SLC15A4: variants seen among roughly 807,000 people sequenced by gnomAD.
The protein encoded by SLC15A4 is solute carrier family 15 member 4.
SLC15A4 carries 26 observed loss-of-function variants against 46.1 expected under a neutral mutation model. The observed-to-expected ratio is 0.56, with a 90% CI of 0.41 to 0.78. The LOEUF is 0.78. Among genes scored for constraint, SLC15A4 ranks in the 30% least tolerant of loss-of-function variants. SLC15A4 has a pLI of 0.00. For missense variants in SLC15A4, 751 were observed against 755.7 expected, an observed-to-expected ratio of 0.99 and a Z score of 0.07; for synonymous variants, 370 against 333.4, an observed-to-expected ratio of 1.11 and a Z score of -1.20.
At chr12:128,811,249 G>A (rs1955652871) in intron 2 of SLC15A4, among the ~76,000 whole-genome samples, 1 of 152,210 alleles carries the variant, frequency 6.6e-6, no homozygotes, top group South Asian at 2.1e-4. Context: ...GTGTTTAACT[G>A]TGGGAAGCCA....
In SLC15A4 at chr12:128,805,705, T is replaced by C. The variant is rs568065979; in HGVS notation, c.1258+3083A>G. ...CGCCACCACGCATGGCTAATTTTAG[T>C]ATTTTTGGTAGAGATGGGGTTTCAC... On this transcript the variant is annotated intron_variant, in intron 5 of 7. Coordinates refer to ENST00000266771, the MANE Select transcript of SLC15A4 (RefSeq NM_145648.4). Among the ~76,000 whole-genome samples, 55 of 152,226 alleles carry C rather than the reference T, an allele frequency of 3.6e-4. No individual in the cohort carries two copies. In the South Asian group the frequency reaches 3.9e-3, roughly 11 times the overall value.
At chr12:128,820,104 C>A (rs1433797874) in intron 1 of SLC15A4, among the ~76,000 whole-genome samples, 3 of 152,154 alleles carry the variant, frequency 2.0e-5, no homozygotes, top group Admixed American at 2.0e-4. Context: ...TGTGGGGTGG[C>A]CAAGTCTTTA....
intron 1 of SLC15A4, among the ~76,000 whole-genome samples, chr12:128,821,538 T>C (rs1041255825): frequency 4.6e-5 from 7 of 152,194 alleles, no homozygotes; most frequent in Non-Finnish European, 7.4e-5. Flanking sequence ...AGATTGAAAT[T>C]TGATTTTCAT....
intron 2 of SLC15A4, 170 bp from the exon 3 acceptor site, chr12:128,810,281 T>C (rs1172267603): frequency 3.3e-6 from 2 of 611,906 alleles, no homozygotes; most frequent in African/African-American, 3.7e-5. Flanking sequence ...AAATTATTTC[T>C]AAATGTCACA....
chr12:128,804,136 A>G (rs1025822408), intron 5 of SLC15A4, among the ~76,000 whole-genome samples: 2 of 152,234 alleles, frequency 1.3e-5, no homozygotes, highest in Non-Finnish European at 2.9e-5. Flanking sequence ...ATATTTGGCC[A>G]TAACGGAAGC....
At chr12:128,800,692 G>A (rs1349941914) in intron 6 of SLC15A4, 162 bp downstream of exon 6, 1 of 633,062 alleles carries the variant, frequency 1.6e-6, no homozygotes, top group African/African-American at 1.9e-5. Context: ...CCTCAGCACT[G>A]GTGTGTTTAC....
intron 5 of SLC15A4, among the ~76,000 whole-genome samples, chr12:128,803,191 A>G (rs1049387394): frequency 7.2e-5 from 11 of 152,226 alleles, no homozygotes; most frequent in Admixed American, 3.3e-4. Flanking sequence ...AACAAAACTG[A>G]GTATTACGGT....
chr12:128,804,609 A>C (rs1219195571), intron 5 of SLC15A4, among the ~76,000 whole-genome samples: 2 of 152,230 alleles, frequency 1.3e-5, no homozygotes, highest in African/African-American at 4.8e-5. Flanking sequence ...AGGCGCCTGT[A>C]ATCCCAGCTA....
intron 7 of SLC15A4, among the ~76,000 whole-genome samples, chr12:128,796,429 C>CAAAAAAAAAAAAA (rs57014966): frequency 6.2e-4 from 21 of 33,910 alleles, no homozygotes; most frequent in Non-Finnish European, 9.5e-4. Context: ...AACTCCATCT[C>CAAAAAAAAAAAAA]AAAAAAAAAA....
At chr12:128,811,215 A>G (rs1955652482) in intron 2 of SLC15A4, among the ~76,000 whole-genome samples, 1 of 152,260 alleles carries the variant, frequency 6.6e-6, no homozygotes, top group Non-Finnish European at 1.5e-5. Context: ...AAGTACCAGG[A>G]GAGAGTTAAT....
In SLC15A4 at chr12:128,796,451, AAAAAAAAC is replaced by A. The variant is rs1158543908; in HGVS notation, c.1574-2103_1574-2096del. Among the ~76,000 whole-genome samples, 25 of 39,320 alleles carry A rather than the reference AAAAAAAAC, an allele frequency of 6.4e-4. 2 individuals are homozygous for A. The highest frequency in any genetic ancestry group is 1.4e-3 in the Admixed American group (7 of 4,846). 25.8% of individuals were successfully genotyped at this position (39,320 alleles called of 152,430 possible). On this transcript the variant is annotated intron_variant, in intron 7 of 7. Transcript: ENST00000266771. ...TCTCAAAAAAAAAAAAAAAAAAAAA[AAAAAAAAC>A]CCACACATCTGTATGGTGAGATCTC... is the stretch of plus-strand genomic sequence containing the variant.
At chr12:128,796,573 G>A (rs767322005) in intron 7 of SLC15A4, among the ~76,000 whole-genome samples, 1 of 151,554 alleles carries the variant, frequency 6.6e-6, no homozygotes, top group Non-Finnish European at 1.5e-5. Flanking sequence ...CTAATACCCT[G>A]AATTCTACCA....
At chr12:128,795,904 C>A (rs1195611819) in intron 7 of SLC15A4, among the ~76,000 whole-genome samples, 1 of 152,192 alleles carries the variant, frequency 6.6e-6, no homozygotes, top group Non-Finnish European at 1.5e-5. Flanking sequence ...TGCACGAGGT[C>A]GCAGGTGCGT....
At position 128,794,350 on chromosome 12, in the gene SLC15A4, A is replaced by C. The variant is rs747544836; in HGVS notation, c.1580T>G (p.Ile527Ser). 2 of 1,609,992 alleles carry C rather than the reference A, an allele frequency of 1.2e-6. No individual in the cohort carries two copies. The highest frequency in any genetic ancestry group is 8.5e-7 in the Non-Finnish European group (1 of 1,178,530). ...GTAATAGTTCAAATAGCAGCCGTTAATATTACCTGGAGAAAACAAAAGGAA... is the reference window on the plus strand; with the variant it reads ...GTAATAGTTCAAATAGCAGCCGTTACTATTACCTGGAGAAAACAAAAGGAA... Reference protein sequence around the residue: ...WMSSHTDFGNINGCYLNYYFF... With the variant: ...WMSSHTDFGNSNGCYLNYYFF... The change falls in exon 8 of 8, where the codon ATT becomes AGT. Residue 527 changes from isoleucine to serine, a missense_variant. Coordinates refer to ENST00000266771, the MANE Select transcript of SLC15A4 (RefSeq NM_145648.4).
At chr12:128,815,158 G>T in intron 1 of SLC15A4, 88 bp from the exon 2 acceptor site, 1 of 1,263,292 alleles carries the variant, frequency 7.9e-7, no homozygotes, top group Non-Finnish European at 1.1e-6. Flanking sequence ...TAAAATTACC[G>T]TTGTCATCAC....
intron 5 of SLC15A4, among the ~76,000 whole-genome samples, chr12:128,804,451 G>A (rs546175920): frequency 1.3e-5 from 2 of 152,326 alleles, no homozygotes; most frequent in East Asian, 1.9e-4. Flanking sequence ...GTGAATGAAA[G>A]CCAGGCCCAG....
chr12:128,820,270 G>C (rs751274274), intron 1 of SLC15A4, among the ~76,000 whole-genome samples: 18 of 152,208 alleles, frequency 1.2e-4, no homozygotes, highest in Non-Finnish European at 2.2e-4. Context: ...AAAAGAACCA[G>C]AGCTGGGATA....
rs910004626 is a variant in SLC15A4 at position 128,793,387 on chromosome 12, A to C, written c.*809T>G. ...TTTAATTACACTATTTCTGTTCAAA[A>C]GAATGTTTTCCTTACATACAACCAT... On this transcript the variant is annotated 3_prime_UTR_variant, in exon 8 of 8. Transcript: ENST00000266771. The C allele has an allele frequency of 1.3e-5, 2 of 152,206 alleles. No individual in the cohort carries two copies. The highest frequency in any genetic ancestry group is 4.8e-5 in the African/African-American group (2 of 41,446). 9.4% of individuals were successfully genotyped at this position (152,206 alleles called of 1,614,324 possible). A position where few individuals can be genotyped will look rare whatever the true frequency, so the allele number is the denominator to read the frequency against.
chr12:128,803,045 G>GT (rs1394350478), intron 5 of SLC15A4, among the ~76,000 whole-genome samples: 13 of 152,180 alleles, frequency 8.5e-5, no homozygotes, highest in Admixed American at 4.6e-4. Context: ...TTCAGGCTGA[G>GT]TGACAGTGAC....
Sources: allele counts gnomAD v4.1 joint callset (sites outside exome capture counted in the v4.1 genomes callset), GRCh38; gene constraint gnomAD v4.1.1; transcripts MANE v1.5; gene names NCBI Gene and HGNC (gene_info 2026-07-23, HGNC 2026-07-21).